DPP10: variants seen among roughly 807,000 people sequenced by gnomAD.
The protein encoded by DPP10 is inactive dipeptidyl peptidase 10.
Under a neutral mutation model 120.9 loss-of-function variants are expected in DPP10, and 33 were observed. The observed-to-expected ratio is 0.27, with a 90% CI of 0.21 to 0.37. The LOEUF (loss-of-function observed/expected upper bound fraction) is 0.37, where lower values mean the gene tolerates loss of function less well. Ranked by LOEUF, DPP10 falls within the 10% of genes least tolerant of loss-of-function variation. The probability of loss-of-function intolerance (pLI) is 1.00; values close to 1 mark genes in which losing one functional copy is unlikely to be tolerated. For missense variants in DPP10, 816 were observed against 942.8 expected, an observed-to-expected ratio of 0.87 and a Z score of 1.76; for synonymous variants, 337 against 326.1, an observed-to-expected ratio of 1.03 and a Z score of -0.36.
chr2:114,954,384 A>G (rs1698049348), intron 1 of DPP10, among the ~76,000 whole-genome samples: 1 of 152,138 alleles, frequency 6.6e-6, no homozygotes, highest in African/African-American at 2.4e-5. Context: ...CGCCCGGCCA[A>G]GAAGGGCATT....
At chr2:114,968,582 T>A (rs1699191549) in intron 1 of DPP10, among the ~76,000 whole-genome samples, 1 of 152,216 alleles carries the variant, frequency 6.6e-6, no homozygotes, top group African/African-American at 2.4e-5. Flanking sequence ...CATGTCTGAA[T>A]GTGACTTACA....
rs992874707 is a variant in DPP10 at position 115,361,982 on chromosome 2, GTGTGTGTATGTTTGTGTGTGTATGTTT to G, written c.271+18084_271+18110del. On this transcript the variant is annotated intron_variant, in intron 3 of 25. Coordinates refer to ENST00000410059, the MANE Select transcript of DPP10 (RefSeq NM_020868.6). ...TTGCTTTGTTTTTGCATGTATGTTT[GTGTGTGTATGTTTGTGTGTGTATGTTT>G]TGTGTGTATGTTTTTGTGTGTATGT... 3.8e-4 allele frequency among the ~76,000 whole-genome samples: 44 copies of G among 116,344 alleles called. No homozygotes were observed. The East Asian group carries it at 9.1e-3, about 24-fold the overall frequency. 76.3% of individuals were successfully genotyped at this position (116,344 alleles called of 152,430 possible).
At chr2:114,751,390 A>G (rs1679205210) in intron 1 of DPP10, among the ~76,000 whole-genome samples, 1 of 152,320 alleles carries the variant, frequency 6.6e-6, no homozygotes, top group African/African-American at 2.4e-5. Flanking sequence ...ACAGGTTTAA[A>G]TGCTCAGCGT....
chr2:115,729,600 C>A lies in DPP10; in HGVS notation c.697+1664C>A, dbSNP rs528345471. Among the ~76,000 whole-genome samples, 125 of 152,214 alleles carry A rather than the reference C, an allele frequency of 8.2e-4. 2 individuals carry two copies. In the South Asian group the frequency reaches 0.018, roughly 22 times the overall value. On this transcript the variant is annotated intron_variant, in intron 8 of 25. Coordinates refer to ENST00000410059, the MANE Select transcript of DPP10 (RefSeq NM_020868.6). ...AGACAAAATAGCAAGGTTTTCATTT[C>A]TACTAAAAAATTTTTAAAAATTAGC...
At chr2:115,653,215 G>A (rs1039934778) in intron 5 of DPP10, among the ~76,000 whole-genome samples, 1 of 151,876 alleles carries the variant, frequency 6.6e-6, no homozygotes, top group Non-Finnish European at 1.5e-5. Context: ...TTTAGGAAAA[G>A]TAAAGCCGGG....
At chr2:115,010,935 G>A (rs1256461804) in intron 1 of DPP10, among the ~76,000 whole-genome samples, 2 of 152,122 alleles carry the variant, frequency 1.3e-5, no homozygotes, top group East Asian at 3.9e-4. Flanking sequence ...TCATTTCAAA[G>A]CAAATAATTA....
intron 15 of DPP10, among the ~76,000 whole-genome samples, chr2:115,778,085 A>G (rs74840180): frequency 0.03 from 4,599 of 152,016 alleles, 145 homozygotes; most frequent in South Asian, 0.11. Context: ...CAGTTTCTTA[A>G]TATCTTTTTT....
intron 1 of DPP10, among the ~76,000 whole-genome samples, chr2:114,481,883 GAGA>G (rs1352486797): frequency 3.3e-5 from 5 of 151,282 alleles, no homozygotes; most frequent in Non-Finnish European, 4.4e-5. Context: ...GAGAGAGAGA[GAGA>G]AGAAGGAGAA....
chr2:115,784,715 T>A (rs1384738649), intron 17 of DPP10, among the ~76,000 whole-genome samples: 1 of 152,044 alleles, frequency 6.6e-6, no homozygotes, highest in East Asian at 1.9e-4. Context: ...GTATTTTTAG[T>A]AGAGACGGGG....
chr2:114,926,634 T>C (rs1198466368), intron 1 of DPP10, among the ~76,000 whole-genome samples: 1 of 152,130 alleles, frequency 6.6e-6, no homozygotes, highest in African/African-American at 2.4e-5. Flanking sequence ...GACAGGTACT[T>C]TCCCCCTCTG....
chr2:115,710,176 A>G (rs2092269854), intron 7 of DPP10, among the ~76,000 whole-genome samples: 1 of 152,142 alleles, frequency 6.6e-6, no homozygotes, highest in Admixed American at 6.6e-5. Context: ...TATGCTCTTC[A>G]GTGAGAAAGA....
At chr2:115,503,584 G>T (rs1276892514) in intron 4 of DPP10, among the ~76,000 whole-genome samples, 1 of 152,114 alleles carries the variant, frequency 6.6e-6, no homozygotes, top group African/African-American at 2.4e-5. Flanking sequence ...TCACATAATG[G>T]CCAATAGTAA....
rs534019223 is a variant in DPP10 at position 115,800,935 on chromosome 2, T to C, written c.1700+9579T>C. ...CAATGCGGGCTCTTTTTTGGTTCCA[T>C]ATGAACTTTAAAGTAGTTTTTTCCA... On this transcript the variant is annotated intron_variant, in intron 19 of 25. Coordinates refer to ENST00000410059, the MANE Select transcript of DPP10 (RefSeq NM_020868.6). 1.1e-3 allele frequency among the ~76,000 whole-genome samples: 168 copies of C among 152,170 alleles called. 2 individuals carry two copies. The highest frequency in any genetic ancestry group is 5.4e-3 in the East Asian group (28 of 5,174).
chr2:114,966,313 C>T (rs1699028498), intron 1 of DPP10, among the ~76,000 whole-genome samples: 1 of 152,134 alleles, frequency 6.6e-6, no homozygotes, highest in South Asian at 2.1e-4. Context: ...GTGTTTCAGT[C>T]ATGGGGGCAG....
At chr2:115,359,768 T>C (rs1339005643) in intron 3 of DPP10, among the ~76,000 whole-genome samples, 1 of 152,192 alleles carries the variant, frequency 6.6e-6, no homozygotes, top group Non-Finnish European at 1.5e-5. Context: ...AGGCTTGGTT[T>C]ATTTACATAA....
rs776476487 is a variant in DPP10, at chr2:115,746,158, A to T, written c.925A>T (p.Met309Leu). The T allele has an allele frequency of 2.5e-6, 4 of 1,610,970 alleles. No homozygotes were observed. In the Admixed American group the frequency reaches 6.7e-5, roughly 27 times the overall value. The change falls in exon 10 of 26, where the codon ATG becomes TTG. Residue 309 changes from methionine to leucine, a missense_variant. By Grantham distance (15) the Met-to-Leu change is conservative. Coordinates refer to ENST00000410059, the MANE Select transcript of DPP10 (RefSeq NM_020868.6). ...LYGPTHTLEL[M>L]PPDSFKSREY... ...TGGACCAACTCACACTTTGGAGCTC[A>T]TGCCACCTGACAGCTTTAAATCAAG...
Position 114,829,105 on chromosome 2 carries a change from G to A in DPP10, c.60+386267G>A, listed in dbSNP as rs561278228. 5.3e-5 allele frequency among the ~76,000 whole-genome samples: 8 copies of A among 152,020 alleles called. No homozygotes were observed. The South Asian group carries it at 1.7e-3, about 32-fold the overall frequency. On this transcript the variant is annotated intron_variant, in intron 1 of 25. Coordinates refer to ENST00000410059, the MANE Select transcript of DPP10 (RefSeq NM_020868.6). ...AGTTCAAGACCACCCTGGCCAAGAT[G>A]GTGAAACCCCATCTCTACTAAAAAA... is the stretch of plus-strand genomic sequence containing the variant.
At chr2:115,535,054 T>C (rs1036169822) in intron 5 of DPP10, among the ~76,000 whole-genome samples, 3 of 150,014 alleles carry the variant, frequency 2.0e-5, no homozygotes, top group African/African-American at 7.3e-5. Context: ...TTCTCCCATT[T>C]TGTAGGTTGC....
intron 1 of DPP10, among the ~76,000 whole-genome samples, chr2:114,689,023 A>G (rs1699556561): frequency 6.6e-6 from 1 of 150,958 alleles, no homozygotes; most frequent in South Asian, 2.1e-4. Flanking sequence ...TTTATTGCTC[A>G]GTCCAGCTTC....
Sources: allele counts gnomAD v4.1 joint callset (sites outside exome capture counted in the v4.1 genomes callset), GRCh38; gene constraint gnomAD v4.1.1; transcripts MANE v1.5; gene names NCBI Gene and HGNC (gene_info 2026-07-23, HGNC 2026-07-21).